Variants in FAIM observed in about 807,000 individuals in gnomAD.
FAIM encodes the protein Fas apoptotic inhibitory molecule.
Under a neutral mutation model 21.2 loss-of-function variants are expected in FAIM, and 14 were observed. That is an observed-to-expected ratio of 0.66 (90% confidence interval 0.44 to 1.03). The LOEUF (loss-of-function observed/expected upper bound fraction) is 1.03, where lower values mean the gene tolerates loss of function less well. Among genes scored for constraint, FAIM ranks in the 50% least tolerant of loss-of-function variants. FAIM has a pLI of 0.00. For synonymous variants in FAIM, 86 were observed against 80.4 expected (o/e 1.07, Z -0.37); for missense variants, 222 against 247.1 (o/e 0.90, Z 0.68).
rs1307900937 is a variant in FAIM at position 138,630,284 on chromosome 3, T to C, written c.456+1128T>C. ...ACCACCTAGAACCTACTTGGTCTGATAGCTGTTTCTGAGGAGGTGACAAAA... is the reference window on the plus strand; with the variant it reads ...ACCACCTAGAACCTACTTGGTCTGACAGCTGTTTCTGAGGAGGTGACAAAA... On this transcript the variant is annotated intron_variant, in intron 5 of 5. Transcript: ENST00000360570. 3 of 152,020 alleles carry C rather than the reference T, an allele frequency of 2.0e-5. No individual in the cohort carries two copies. In the East Asian group the frequency reaches 5.8e-4, roughly 29 times the overall value. 9.4% of individuals were successfully genotyped at this position (152,020 alleles called of 1,614,324 possible).
At chr3:138,611,093 G>A in intron 1 of FAIM, 1 of 1,271,906 alleles carries the variant, frequency 7.9e-7, no homozygotes, top group South Asian at 1.2e-5. Context: ...TTGGTATGCT[G>A]GATGAACTTA....
chr3:138,633,183 AT>A lies in FAIM; in HGVS notation c.*110del. 1 of 1,042,146 alleles carries A rather than the reference AT, an allele frequency of 9.6e-7. No individual in the cohort carries two copies. The highest frequency in any genetic ancestry group is 1.3e-6 in the Non-Finnish European group (1 of 777,348). The allele number at this position is 1,042,146 out of a possible 1,614,324, so 64.6% of individuals were successfully genotyped here. On this transcript the variant is annotated 3_prime_UTR_variant, in exon 6 of 6. Transcript: ENST00000360570. ...AGTACATTTAGTCTGCAATGTTTTAATTTTTTAAAAAGTTACATGAAACTAA... is the reference window on the plus strand; with the variant it reads ...AGTACATTTAGTCTGCAATGTTTTAATTTTTAAAAAGTTACATGAAACTAA...
At chr3:138,614,563 C>A (rs2042806539) in intron 1 of FAIM, among the ~76,000 whole-genome samples, 1 of 152,156 alleles carries the variant, frequency 6.6e-6, no homozygotes, top group Non-Finnish European at 1.5e-5. Context: ...CATAAGAAAA[C>A]TTTTGTTGTG....
At chr3:138,628,243 A>G (rs2042960892) in intron 4 of FAIM, among the ~76,000 whole-genome samples, 1 of 152,158 alleles carries the variant, frequency 6.6e-6, no homozygotes, top group South Asian at 2.1e-4. Context: ...CATTATGAAA[A>G]GGAATAGACA....
At chr3:138,621,779 ATCTTTTTTTTT>A (rs1258736592) in intron 3 of FAIM, among the ~76,000 whole-genome samples, 1 of 152,010 alleles carries the variant, frequency 6.6e-6, no homozygotes, top group African/African-American at 2.4e-5. Flanking sequence ...ATAAAATTAC[ATCTTTTTTTTT>A]TCTTTTTTTT....
chr3:138,612,391 G>A (rs572312423), intron 1 of FAIM, among the ~76,000 whole-genome samples: 1 of 151,986 alleles, frequency 6.6e-6, no homozygotes, highest in South Asian at 2.1e-4. Flanking sequence ...GTGAGTCACC[G>A]CGCCCGGCCT....
chr3:138,633,156 T>C lies in FAIM; in HGVS notation c.*77T>C, dbSNP rs575773723. ...ATTAAATGTGTTCAGTATGTACTTA[T>C]CAGTACATTTAGTCTGCAATGTTTT... On this transcript the variant is annotated 3_prime_UTR_variant, in exon 6 of 6. Coordinates refer to ENST00000360570, the MANE Select transcript of FAIM (RefSeq NM_001033031.2). 1.6e-5 allele frequency: 20 copies of C among 1,276,744 alleles called. No homozygotes were observed. Among genetic ancestry groups the C allele is most frequent in the South Asian group, 1.2e-4 (7 of 57,844 alleles). 79.1% of individuals were successfully genotyped at this position (1,276,744 alleles called of 1,614,324 possible).
chr3:138,617,447 T>C (rs2108340324), intron 1 of FAIM, among the ~76,000 whole-genome samples: 2 of 147,042 alleles, frequency 1.4e-5, no homozygotes, highest in African/African-American at 4.9e-5. Flanking sequence ...TATAAATATA[T>C]ATATAGTATT....
chr3:138,621,645 C>A (rs1048120567), intron 3 of FAIM, 106 bp downstream of exon 3: 3 of 975,484 alleles, frequency 3.1e-6, no homozygotes, highest in Non-Finnish European at 3.0e-6. Flanking sequence ...TTCTTGTAGT[C>A]ATGTTTTTGA....
intron 4 of FAIM, among the ~76,000 whole-genome samples, chr3:138,627,248 T>C (rs1486512337): frequency 6.6e-6 from 1 of 151,682 alleles, no homozygotes; most frequent in Non-Finnish European, 1.5e-5. Context: ...GTGGTGCAAT[T>C]TTGGCTCACT....
intron 1 of FAIM, among the ~76,000 whole-genome samples, chr3:138,616,909 A>C (rs1162969472): frequency 6.6e-6 from 1 of 152,174 alleles, no homozygotes; most frequent in East Asian, 1.9e-4. Flanking sequence ...AATGCTTCAA[A>C]TTTGCCAGAT....
rs746660972 is a variant in FAIM, at chr3:138,622,280, C to T, written c.270C>T (p.Asp90=). The change falls in exon 4 of 6, where the codon GAC becomes GAT. Residue 90 remains aspartate (D), a synonymous_variant. Transcript: ENST00000360570. ...AAKTKATINI[D]AISGFAYEYT... Reference sequence around the variant, plus strand: ...AGACAAAAGCGACCATAAATATAGACGCTATCAGTGGTTTTGCTTATGAAT... The same window carrying T: ...AGACAAAAGCGACCATAAATATAGATGCTATCAGTGGTTTTGCTTATGAAT... 2.9e-5 allele frequency: 46 copies of T among 1,613,710 alleles called. No homozygotes were observed. In the East Asian group the frequency reaches 5.1e-4, roughly 18 times the overall value.
chr3:138,623,286 T>C (rs1348060372), intron 4 of FAIM, among the ~76,000 whole-genome samples: 1 of 152,160 alleles, frequency 6.6e-6, no homozygotes, highest in Non-Finnish European at 1.5e-5. Flanking sequence ...GGGAAGCAGA[T>C]ATATATCTTT....
chr3:138,621,735 C>A (rs1369884886), intron 3 of FAIM, among the ~76,000 whole-genome samples, 196 bp downstream of exon 3: 1 of 151,908 alleles, frequency 6.6e-6, no homozygotes, highest in African/African-American at 2.4e-5. Context: ...ACTTAAAATG[C>A]TTTTATTTTC....
intron 1 of FAIM, among the ~76,000 whole-genome samples, chr3:138,615,958 G>C (rs1388002290): frequency 6.6e-6 from 1 of 152,222 alleles, no homozygotes; most frequent in Non-Finnish European, 1.5e-5. Flanking sequence ...CATTAGATGG[G>C]ATTTGTTGAT....
intron 1 of FAIM, among the ~76,000 whole-genome samples, chr3:138,609,580 TCTCTCTCTCTCGA>T (rs2042740594): frequency 1.2e-4 from 2 of 17,376 alleles, no homozygotes; most frequent in Admixed American, 1.0e-3. Flanking sequence ...CTCTCTCGAC[TCTCTCTCTCTCGA>T]CTCTCTCTCT....
intron 4 of FAIM, among the ~76,000 whole-genome samples, chr3:138,628,127 A>G (rs1043471305): frequency 6.6e-6 from 1 of 152,136 alleles, no homozygotes; most frequent in African/African-American, 2.4e-5. Context: ...TGATCCATTT[A>G]AGTGTGTCGG....
rs192549756 is a variant in FAIM at position 138,616,479 on chromosome 3, C to T, written c.-16-3232C>T. Among the ~76,000 whole-genome samples the T allele has an allele frequency of 7.0e-4, 106 of 152,156 alleles. 1 individual carries two copies. Among genetic ancestry groups the T allele is most frequent in the Admixed American group, 6.8e-3 (104 of 15,288 alleles). ...CACTGCAGTCTCAAACCCCTAGAAT[C>T]GAGCGATCCTCCCTCCTCCCATGTA... On this transcript the variant is annotated intron_variant, in intron 1 of 5. Transcript: ENST00000360570.
intron 1 of FAIM, among the ~76,000 whole-genome samples, chr3:138,610,280 T>C (rs1397939328): frequency 6.6e-6 from 1 of 152,184 alleles, no homozygotes; most frequent in Non-Finnish European, 1.5e-5. Flanking sequence ...TAAGTCATGC[T>C]CTGAAACTTA....
Sources: gnomAD v4.1 joint callset for allele counts (sites outside exome capture counted in the v4.1 genomes callset) on GRCh38, gnomAD v4.1.1 for gene constraint, MANE v1.5 for transcripts, NCBI Gene and HGNC (gene_info 2026-07-23, HGNC 2026-07-21) for gene names.